THSD7B: variants seen among roughly 807,000 people sequenced by gnomAD.
THSD7B encodes the protein thrombospondin type 1 domain containing 7B, also known as thrombospondin type-1 domain-containing protein 7B.
Under a neutral mutation model 213.6 loss-of-function variants are expected in THSD7B, and 138 were observed. The ratio of observed to expected loss-of-function variants is 0.65; its 90% CI spans 0.56 to 0.74. THSD7B has a LOEUF of 0.74. Among genes scored for constraint, THSD7B ranks in the 30% least tolerant of loss-of-function variants. The probability of loss-of-function intolerance (pLI) is 0.00; values close to 1 mark genes in which losing one functional copy is unlikely to be tolerated. For synonymous variants in THSD7B, 742 were observed against 687.0 expected (o/e 1.08, Z -1.25); for missense variants, 1,931 against 1,991.5 (o/e 0.97, Z 0.58).
rs549429848 is a variant in THSD7B at position 136,804,745 on chromosome 2, T to A, written c.-36+39058T>A. 2.6e-5 allele frequency among the ~76,000 whole-genome samples: 4 copies of A among 152,296 alleles called. 1 individual carries two copies. The South Asian group carries it at 8.3e-4, about 32-fold the overall frequency. ...GCATTTCTTTTCTTGAAGTTACTTTTTCCATTTGGGTACTTCAAAAATCTC... is the reference window on the plus strand; with the variant it reads ...GCATTTCTTTTCTTGAAGTTACTTTATCCATTTGGGTACTTCAAAAATCTC... On this transcript the variant is annotated intron_variant, in intron 1 of 27. Coordinates refer to ENST00000409968, the MANE Select transcript of THSD7B (RefSeq NM_001316349.2).
intron 12 of THSD7B, among the ~76,000 whole-genome samples, chr2:137,316,115 G>A (rs1258366416): frequency 6.6e-6 from 1 of 152,194 alleles, no homozygotes; most frequent in Non-Finnish European, 1.5e-5. Flanking sequence ...AGATCTGGTG[G>A]AAATATGTTG....
At chr2:137,537,877 C>T (rs1680535605) in intron 15 of THSD7B, among the ~76,000 whole-genome samples, 1 of 151,590 alleles carries the variant, frequency 6.6e-6, no homozygotes, top group Admixed American at 6.6e-5. Context: ...TGATCCTAGC[C>T]CTGCCCTCAG....
chr2:137,178,675 C>T (rs146699592), intron 7 of THSD7B, among the ~76,000 whole-genome samples: 10 of 152,112 alleles, frequency 6.6e-5, no homozygotes, highest in East Asian at 1.9e-4. Flanking sequence ...CCACATTTGA[C>T]GTGAAGGTGG....
rs1019591874 is a variant in THSD7B, at chr2:137,650,060, C to T, written c.3946-5441C>T. Among the ~76,000 whole-genome samples, 12 of 152,178 alleles carry T rather than the reference C, an allele frequency of 7.9e-5. No individual in the cohort carries two copies. The East Asian group carries it at 2.1e-3, about 27-fold the overall frequency. On this transcript the variant is annotated intron_variant, in intron 21 of 27. Transcript: ENST00000409968. ...GAGGCTGTAATGAGTCCCGATTATG[C>T]CACTGCATTGATATTTTGAGTTCCA...
intron 27 of THSD7B, among the ~76,000 whole-genome samples, chr2:137,675,434 ATATATATATATATG>A (rs1449265100): frequency 7.6e-6 from 1 of 131,476 alleles, no homozygotes; most frequent in African/African-American, 3.2e-5. Context: ...ATATATATAT[ATATATATATATATG>A]CGGACAGTGT....
chr2:137,596,847 T>C (rs1001888120), intron 17 of THSD7B, among the ~76,000 whole-genome samples: 3 of 152,060 alleles, frequency 2.0e-5, no homozygotes, highest in African/African-American at 4.8e-5. Context: ...TTTGTTACTA[T>C]ATATTCTAAA....
At chr2:137,114,959 A>G (rs1273822077) in intron 4 of THSD7B, among the ~76,000 whole-genome samples, 165 bp from the exon 5 acceptor site, 1 of 152,060 alleles carries the variant, frequency 6.6e-6, no homozygotes, top group Non-Finnish European at 1.5e-5. Context: ...TCTAGGAAAT[A>G]AAAGGGATTT....
At chr2:137,605,230 AT>A (rs1411360425) in intron 17 of THSD7B, among the ~76,000 whole-genome samples, 1 of 152,180 alleles carries the variant, frequency 6.6e-6, no homozygotes, top group Non-Finnish European at 1.5e-5. Flanking sequence ...TAAGTTTAAG[AT>A]TTAGAAACAG....
At chr2:137,199,471 A>G (rs1680834265) in intron 7 of THSD7B, among the ~76,000 whole-genome samples, 1 of 152,204 alleles carries the variant, frequency 6.6e-6, no homozygotes. Flanking sequence ...ATATGTGCAT[A>G]TAAAGATTCA....
chr2:137,277,900 C>T (rs1682909351), intron 12 of THSD7B, among the ~76,000 whole-genome samples: 1 of 152,028 alleles, frequency 6.6e-6, no homozygotes, highest in Non-Finnish European at 1.5e-5. Context: ...AAAGTTCCTC[C>T]TTGTTCAAGT....
chr2:137,367,716 G>C (rs1685453115), intron 12 of THSD7B, among the ~76,000 whole-genome samples: 1 of 152,126 alleles, frequency 6.6e-6, no homozygotes, highest in Non-Finnish European at 1.5e-5. Context: ...TGCCAGCATG[G>C]TTGGGTTCTG....
At chr2:137,202,975 G>A in intron 7 of THSD7B, among the ~76,000 whole-genome samples, 1 of 151,926 alleles carries the variant, frequency 6.6e-6, no homozygotes, top group East Asian at 1.9e-4. Context: ...TGTGTAGATA[G>A]ATATGTGATA....
At chr2:137,233,912 T>A (rs1297875955) in intron 9 of THSD7B, among the ~76,000 whole-genome samples, 1 of 152,150 alleles carries the variant, frequency 6.6e-6, no homozygotes, top group Non-Finnish European at 1.5e-5. Flanking sequence ...AGATTCCCAG[T>A]GGCCATATTT....
At chr2:137,129,975 T>A (rs2117743) in intron 5 of THSD7B, among the ~76,000 whole-genome samples, 1 of 152,110 alleles carries the variant, frequency 6.6e-6, no homozygotes, top group African/African-American at 2.4e-5. Context: ...TGACATTTGG[T>A]GTTGGAGGAC....
At chr2:136,796,579 G>T (rs986135718) in intron 1 of THSD7B, among the ~76,000 whole-genome samples, 2 of 151,926 alleles carry the variant, frequency 1.3e-5, no homozygotes, top group Admixed American at 6.6e-5. Context: ...GAGTCATTCA[G>T]TTGTGATAAA....
At chr2:137,083,150 T>C (rs1687778027) in intron 3 of THSD7B, among the ~76,000 whole-genome samples, 2 of 152,130 alleles carry the variant, frequency 1.3e-5, no homozygotes, top group South Asian at 4.1e-4. Flanking sequence ...TTTATTTTAT[T>C]GAGAATTTTA....
intron 17 of THSD7B, among the ~76,000 whole-genome samples, chr2:137,609,837 G>C (rs1682255298): frequency 6.6e-6 from 1 of 152,182 alleles, no homozygotes; most frequent in Admixed American, 6.5e-5. Flanking sequence ...TAAGTGAAGA[G>C]TGATAGTGAC....
chr2:137,420,892 CTT>C (rs954495375), intron 14 of THSD7B, among the ~76,000 whole-genome samples: 1 of 152,178 alleles, frequency 6.6e-6, no homozygotes, highest in Non-Finnish European at 1.5e-5. Context: ...ACTCCAAAGG[CTT>C]TGGAAGAAAG....
intron 10 of THSD7B, among the ~76,000 whole-genome samples, chr2:137,268,131 T>C (rs75255106): frequency 0.027 from 4,079 of 152,254 alleles, 108 homozygotes; most frequent in Middle Eastern, 0.095. Flanking sequence ...GGATCCAGAA[T>C]CTAAGAGAGG....
Sources: gnomAD v4.1 joint callset for allele counts (sites outside exome capture counted in the v4.1 genomes callset) on GRCh38, gnomAD v4.1.1 for gene constraint, MANE v1.5 for transcripts, NCBI Gene and HGNC (gene_info 2026-07-23, HGNC 2026-07-21) for gene names.